UBIAD1: variants seen among roughly 807,000 people sequenced by gnomAD.
The protein encoded by UBIAD1 is UbiA prenyltransferase domain containing 1, also known as ubiA prenyltransferase domain-containing protein 1.
UBIAD1 carries 12 observed loss-of-function variants against 20.1 expected under a neutral mutation model. That is an observed-to-expected ratio of 0.60 (90% CI 0.38 to 0.97). UBIAD1 has a LOEUF of 0.97. Among genes scored for constraint, UBIAD1 ranks in the 50% least tolerant of loss-of-function variants. The pLI, the probability that UBIAD1 is intolerant of heterozygous loss-of-function variation, is 0.00. For missense variants in UBIAD1, 333 were observed against 419.5 expected, an observed-to-expected ratio of 0.79 and a Z score of 1.80; for synonymous variants, 207 against 189.2, an observed-to-expected ratio of 1.09 and a Z score of -0.77.
At position 11,285,393 on chromosome 1, in the gene UBIAD1, T is replaced by A. The variant is rs1403207502; in HGVS notation, c.530-251T>A. On this transcript the variant is annotated intron_variant, in intron 1 of 1. Coordinates refer to ENST00000376810, the MANE Select transcript of UBIAD1 (RefSeq NM_013319.3). The surrounding 1 kb of genome is among the most constrained non-coding windows in gnomAD (Gnocchi z 4.4). ...GTTGCAGAGCTCTGTTGGGGGACAGTAGGAAGGGAAACTTGGGTATGAACC... is the reference window on the plus strand; with the variant it reads ...GTTGCAGAGCTCTGTTGGGGGACAGAAGGAAGGGAAACTTGGGTATGAACC... Among the ~76,000 whole-genome samples, 7 of 152,122 alleles carry A rather than the reference T, an allele frequency of 4.6e-5. No homozygotes were observed. Among genetic ancestry groups the A allele is most frequent in the Admixed American group, 3.9e-4 (6 of 15,270 alleles).
chr1:11,278,147 G>C (rs537110692), intron 1 of UBIAD1, among the ~76,000 whole-genome samples: 1 of 150,930 alleles, frequency 6.6e-6, no homozygotes, highest in African/African-American at 2.4e-5. Flanking sequence ...TTGTAGGGAC[G>C]GACTTTCACT....
At chr1:11,281,258 G>GC (rs1300920956) in intron 1 of UBIAD1, among the ~76,000 whole-genome samples, 1 of 152,098 alleles carries the variant, frequency 6.6e-6, no homozygotes, top group Non-Finnish European at 1.5e-5. Context: ...CCCACTCCGT[G>GC]CCCCCACCTG....
downstream of UBIAD1, among the ~76,000 whole-genome samples, chr1:11,298,344 A>G (rs1010406178): frequency 3.9e-5 from 6 of 151,990 alleles, no homozygotes; most frequent in Non-Finnish European, 8.8e-5. This position sits in a 1 kb window ranked among gnomAD's most constrained non-coding sequence, Gnocchi z 4.0. Flanking sequence ...GAGGCAGGTG[A>G]ATCACCTGAG....
intron 1 of UBIAD1, among the ~76,000 whole-genome samples, chr1:11,275,390 A>G (rs1310013250): frequency 6.6e-6 from 1 of 152,156 alleles, no homozygotes; most frequent in Non-Finnish European, 1.5e-5. Context: ...AAGTAGAGCA[A>G]AGAATGGGAC....
intron 1 of UBIAD1, among the ~76,000 whole-genome samples, chr1:11,276,198 G>GTATC (rs940220795): frequency 5.9e-5 from 9 of 152,314 alleles, no homozygotes; most frequent in African/African-American, 2.2e-4. Flanking sequence ...TTGGTGGCTT[G>GTATC]TATCTAGCGG....
rs930990212 is a variant in UBIAD1, at chr1:11,273,264, C to A, written c.-268C>A. ...GCTCTGGCGGCCTAAAGAAGGCGGC[C>A]GCGGCTCAGCCGTGGGCTCTAACGC... On this transcript the variant is annotated 5_prime_UTR_variant, in exon 1 of 2. Transcript: ENST00000376810. The surrounding 1 kb of genome is among the most constrained non-coding windows in gnomAD (Gnocchi z 4.9). 3.0e-5 allele frequency: 15 copies of A among 496,728 alleles called. No individual in the cohort carries two copies. The highest frequency in any genetic ancestry group is 4.7e-5 in the Non-Finnish European group (13 of 276,444). 30.8% of individuals were successfully genotyped at this position (496,728 alleles called of 1,614,324 possible).
downstream of UBIAD1, chr1:11,295,989 G>A (rs1310508495): frequency 6.6e-6 from 1 of 152,218 alleles, no homozygotes; most frequent in African/African-American, 2.4e-5. Context: ...GAGGCATAAA[G>A]GCTGTGGGGA....
chr1:11,292,003 T>G (rs563763932), downstream of UBIAD1: 1 of 151,484 alleles, frequency 6.6e-6, no homozygotes, highest in Admixed American at 6.6e-5. Flanking sequence ...TCATTCTTTC[T>G]TTTTTCTTTT....
chr1:11,288,838 G>A (rs1638315235), downstream of UBIAD1, among the ~76,000 whole-genome samples: 2 of 152,072 alleles, frequency 1.3e-5, no homozygotes, highest in African/African-American at 4.8e-5. Context: ...CTTGAACCTA[G>A]CAGGTCGAGG....
chr1:11,273,389 G>C lies in UBIAD1; in HGVS notation c.-143G>C. On this transcript the variant is annotated 5_prime_UTR_variant, in exon 1 of 2. Coordinates refer to ENST00000376810, the MANE Select transcript of UBIAD1 (RefSeq NM_013319.3). The surrounding 1 kb of genome is among the most constrained non-coding windows in gnomAD (Gnocchi z 4.9). Reference sequence around the variant, plus strand: ...TAAGACCCACTTGCTGTTGCCCCCGGACCTTGCCGCCACACCAGCCCTGTC... The same window carrying C: ...TAAGACCCACTTGCTGTTGCCCCCGCACCTTGCCGCCACACCAGCCCTGTC... 9.7e-7 allele frequency: 1 copy of C among 1,034,172 alleles called. No homozygotes were observed. The highest frequency in any genetic ancestry group is 1.4e-5 in the South Asian group (1 of 70,614). 64.1% of individuals were successfully genotyped at this position (1,034,172 alleles called of 1,614,324 possible).
chr1:11,295,929 C>T (rs1386691866), downstream of UBIAD1: 1 of 152,182 alleles, frequency 6.6e-6, no homozygotes, highest in Non-Finnish European at 1.5e-5. Context: ...CCTAGAGATC[C>T]TTAAAGCCCC....
downstream of UBIAD1, among the ~76,000 whole-genome samples, chr1:11,289,282 A>G (rs1325748008): frequency 6.6e-6 from 1 of 152,170 alleles, no homozygotes; most frequent in Non-Finnish European, 1.5e-5. Context: ...TGGATTCAAC[A>G]CCTGTTATTA....
rs1638229697 is a variant in UBIAD1 at position 11,285,004 on chromosome 1, C to G, written c.530-640C>G. On this transcript the variant is annotated intron_variant, in intron 1 of 1. Coordinates refer to ENST00000376810, the MANE Select transcript of UBIAD1 (RefSeq NM_013319.3). This position sits in a 1 kb window ranked among gnomAD's most constrained non-coding sequence, Gnocchi z 4.4. The stretch of plus-strand genomic sequence containing the variant: ...TTAGACAGGCTTTGAAGTAGATGAG[C>G]AGGACAGAAACAGGAGGTAGGGGTG... Among the ~76,000 whole-genome samples, 1 of 152,052 alleles carries G rather than the reference C, an allele frequency of 6.6e-6. No individual in the cohort carries two copies. The highest frequency in any genetic ancestry group is 2.1e-4 in the South Asian group (1 of 4,824).
At position 11,288,134 on chromosome 1, in the gene UBIAD1, C is replaced by T. The variant is rs923916634; in HGVS notation, c.*2003C>T. 3 of 152,116 alleles carry T rather than the reference C, an allele frequency of 2.0e-5. No homozygotes were observed. The highest frequency in any genetic ancestry group is 7.2e-5 in the African/African-American group (3 of 41,426). The allele number at this position is 152,116 out of a possible 1,614,324, so 9.4% of individuals were successfully genotyped here. On this transcript the variant is annotated 3_prime_UTR_variant, in exon 2 of 2. Coordinates refer to ENST00000376810, the MANE Select transcript of UBIAD1 (RefSeq NM_013319.3). Reference sequence around the variant, plus strand: ...ATTTTGGTGCTCACAGGGGTTTTGCCTTCTGACCTCTCCTTGGAGTAGGCC... The same window carrying T: ...ATTTTGGTGCTCACAGGGGTTTTGCTTTCTGACCTCTCCTTGGAGTAGGCC...
intron 1 of UBIAD1, among the ~76,000 whole-genome samples, chr1:11,280,189 TCCTCC>T (rs1279371225): frequency 2.0e-5 from 3 of 152,002 alleles, no homozygotes; most frequent in Admixed American, 2.0e-4. Flanking sequence ...TGATGCTGAG[TCCTCC>T]AGGGCTGAAG....
rs572640099 is a variant in UBIAD1 at position 11,285,478 on chromosome 1, G to A, written c.530-166G>A. On this transcript the variant is annotated intron_variant, in intron 1 of 1. Transcript: ENST00000376810. This position sits in a 1 kb window ranked among gnomAD's most constrained non-coding sequence, Gnocchi z 4.4. ...TCTCTGCACCTGTGGCATTGGAGAA[G>A]AAATCAGAATTTGCTCTGTGGGGTT... Among the ~76,000 whole-genome samples, 1 of 152,148 alleles carries A rather than the reference G, an allele frequency of 6.6e-6. No individual in the cohort carries two copies. Among genetic ancestry groups the A allele is most frequent in the South Asian group, 2.1e-4 (1 of 4,826 alleles).
At chr1:11,278,585 T>A (rs189714664) in intron 1 of UBIAD1, 1 of 1,311,364 alleles carries the variant, frequency 7.6e-7, no homozygotes, top group African/African-American at 1.5e-5. Flanking sequence ...GTTGTTGATA[T>A]AAGACAAGTT....
At chr1:11,282,447 G>T (rs1208456415) in intron 1 of UBIAD1, among the ~76,000 whole-genome samples, 3 of 152,066 alleles carry the variant, frequency 2.0e-5, no homozygotes, top group African/African-American at 7.3e-5. Context: ...TTCTCCCCAA[G>T]GGCTCTACTG....
downstream of UBIAD1, among the ~76,000 whole-genome samples, chr1:11,290,704 T>A (rs1569909043): frequency 6.6e-6 from 1 of 152,290 alleles, no homozygotes; most frequent in Non-Finnish European, 1.5e-5. Flanking sequence ...CCAGGCCAGG[T>A]GTGGTGGCTT....
Sources: gnomAD v4.1 joint callset for allele counts (sites outside exome capture counted in the v4.1 genomes callset) on GRCh38, gnomAD v4.1.1 for gene constraint, Gnocchi (gnomAD v3.1) non-coding constraint, MANE v1.5 for transcripts, NCBI Gene and HGNC (gene_info 2026-07-23, HGNC 2026-07-21) for gene names.